The following SLC5A1 variants were observed in gnomAD, a reference collection of about 807,000 sequenced individuals.
The protein encoded by SLC5A1 is sodium/glucose cotransporter 1.
A neutral mutation model predicts 73.5 loss-of-function variants in SLC5A1; 42 were observed. The ratio of observed to expected loss-of-function variants is 0.57; its 90% CI spans 0.45 to 0.74. SLC5A1 has a LOEUF of 0.74. Among genes scored for constraint, SLC5A1 ranks in the 30% least tolerant of loss-of-function variants. SLC5A1 has a pLI of 0.00. For synonymous variants in SLC5A1, 300 were observed against 317.4 expected (o/e 0.95, Z 0.58); for missense variants, 634 against 855.4 (o/e 0.74, Z 3.23).
At chr22:32,102,370 T>G in intron 13 of SLC5A1, 133 bp downstream of exon 13, 1 of 714,088 alleles carries the variant, frequency 1.4e-6, no homozygotes, top group South Asian at 1.6e-5. Flanking sequence ...AATGTTTTGA[T>G]ACAGGCATAC....
chr22:32,075,402 G>A (rs1256970882), intron 5 of SLC5A1, among the ~76,000 whole-genome samples: 1 of 152,080 alleles, frequency 6.6e-6, no homozygotes, highest in Non-Finnish European at 1.5e-5. Flanking sequence ...ATGAGGGGAT[G>A]GGATAGATCA....
At chr22:32,050,248 G>A (rs1380479997) in intron 2 of SLC5A1, among the ~76,000 whole-genome samples, 1 of 152,106 alleles carries the variant, frequency 6.6e-6, no homozygotes, top group Non-Finnish European at 1.5e-5. Flanking sequence ...TACAAAGTTG[G>A]TTCAAAGCCT....
At chr22:32,063,781 G>A (rs1017357795) in intron 2 of SLC5A1, among the ~76,000 whole-genome samples, 2 of 152,150 alleles carry the variant, frequency 1.3e-5, no homozygotes, top group African/African-American at 4.8e-5. Flanking sequence ...AAAGAGCTAG[G>A]TGGCCATAAT....
At chr22:32,104,656 G>C in intron 13 of SLC5A1, 130 bp from the exon 14 acceptor site, 1 of 719,946 alleles carries the variant, frequency 1.4e-6, no homozygotes. Context: ...GAATCGTTGT[G>C]TATGTTCTTC....
intron 11 of SLC5A1, among the ~76,000 whole-genome samples, chr22:32,096,239 A>G (rs1379297466): frequency 1.3e-5 from 2 of 152,194 alleles, no homozygotes; most frequent in Non-Finnish European, 2.9e-5. Flanking sequence ...ATTGGAGATC[A>G]TTGAACAATG....
rs1325314033 is a variant in SLC5A1 at position 32,104,807 on chromosome 22, C to T, written c.1687C>T (p.Leu563=). 1 of 1,614,046 alleles carries T rather than the reference C, an allele frequency of 6.2e-7. No homozygotes were observed. The highest frequency in any genetic ancestry group is 2.2e-5 in the East Asian group (1 of 44,878). ...DVHLYRLCWS[L]RNSKEERIDL... ...GCAGCTCTACCGTCTGTGTTGGAGCCTGCGCAACAGCAAAGAGGAGCGTAT... is the reference window on the plus strand; with the variant it reads ...GCAGCTCTACCGTCTGTGTTGGAGCTTGCGCAACAGCAAAGAGGAGCGTAT... The change falls in exon 14 of 15, where the codon CTG becomes TTG. Residue 563 remains leucine, a synonymous_variant. Transcript: ENST00000266088.
At position 32,086,071 on chromosome 22, in the gene SLC5A1, G is replaced by A. The variant is rs1412395046; in HGVS notation, c.1022-149G>A. ...CAGGAGAATGGCGTGAACCCGGGAG[G>A]CAGAGCTTGCAGTGAGCCGAGATCG... On this transcript the variant is annotated intron_variant, in intron 9 of 14. Coordinates refer to ENST00000266088, the MANE Select transcript of SLC5A1 (RefSeq NM_000343.4). 1.4e-5 allele frequency: 9 copies of A among 637,542 alleles called. No individual in the cohort carries two copies. In the African/African-American group the frequency reaches 1.6e-4, roughly 12 times the overall value. The allele number at this position is 637,542 out of a possible 1,614,324, so 39.5% of individuals were successfully genotyped here. A position where few individuals can be genotyped will look rare whatever the true frequency, so the allele number is the denominator to read the frequency against.
chr22:32,111,489 GA>G lies in SLC5A1; in HGVS notation c.*1277del, dbSNP rs1376324134. The G allele has an allele frequency of 6.6e-6, 1 of 152,182 alleles. No homozygotes were observed. The highest frequency in any genetic ancestry group is 1.5e-5 in the Non-Finnish European group (1 of 68,032). 9.4% of individuals were successfully genotyped at this position (152,182 alleles called of 1,614,324 possible). On this transcript the variant is annotated 3_prime_UTR_variant, in exon 15 of 15. Transcript: ENST00000266088. ...GAAGTCAGCAAGTGAGTCTTGAAGA[GA>G]TACTAAACAAACCCACAACACAGAT...
At chr22:32,102,273 T>G (rs1329668915) in intron 13 of SLC5A1, 36 bp downstream of exon 13, 1 of 1,452,584 alleles carries the variant, frequency 6.9e-7, no homozygotes, top group Admixed American at 1.7e-5. Context: ...CCTTGTTTCA[T>G]GTTCACACTG....
intron 2 of SLC5A1, among the ~76,000 whole-genome samples, chr22:32,061,531 G>A (rs886110653): frequency 6.6e-6 from 1 of 152,122 alleles, no homozygotes; most frequent in African/African-American, 2.4e-5. Context: ...AACCCTGGAG[G>A]GACTAAAGTA....
intron 2 of SLC5A1, among the ~76,000 whole-genome samples, chr22:32,065,655 A>G (rs2093971590): frequency 6.6e-6 from 1 of 152,222 alleles, no homozygotes; most frequent in African/African-American, 2.4e-5. Flanking sequence ...CACGTGTAGT[A>G]GATGCTAAGT....
At chr22:32,071,378 A>C (rs1779134949) in intron 5 of SLC5A1, among the ~76,000 whole-genome samples, 2 of 152,196 alleles carry the variant, frequency 1.3e-5, no homozygotes, top group South Asian at 4.1e-4. Flanking sequence ...ACTTGATCCC[A>C]GGAATTCAAG....
At chr22:32,058,555 G>A (rs2093955517) in intron 2 of SLC5A1, among the ~76,000 whole-genome samples, 1 of 152,122 alleles carries the variant, frequency 6.6e-6, no homozygotes, top group African/African-American at 2.4e-5. Context: ...TAAAAATAGG[G>A]TCATATAAGT....
At chr22:32,094,663 A>G (rs528758315) in intron 11 of SLC5A1, among the ~76,000 whole-genome samples, 4 of 151,960 alleles carry the variant, frequency 2.6e-5, no homozygotes, top group Admixed American at 6.6e-5. Context: ...TATCTTTTGT[A>G]TTTCTGTGGT....
chr22:32,060,694 C>T (rs535719360), intron 2 of SLC5A1, among the ~76,000 whole-genome samples: 3 of 152,236 alleles, frequency 2.0e-5, no homozygotes, highest in African/African-American at 7.2e-5. Flanking sequence ...CTCAGCCTTC[C>T]AAGTAGCTAG....
intron 5 of SLC5A1, among the ~76,000 whole-genome samples, chr22:32,079,558 C>T (rs1052190577): frequency 4.6e-5 from 7 of 152,168 alleles, no homozygotes; most frequent in East Asian, 1.9e-4. Flanking sequence ...TCACAGTCTA[C>T]GATGGCATGT....
At chr22:32,073,891 C>T (rs1409275964) in intron 5 of SLC5A1, among the ~76,000 whole-genome samples, 1 of 152,136 alleles carries the variant, frequency 6.6e-6, no homozygotes, top group Non-Finnish European at 1.5e-5. Flanking sequence ...AGATGAAAGG[C>T]CTGGGCTTTC....
chr22:32,057,099 A>G (rs928142594), intron 2 of SLC5A1, among the ~76,000 whole-genome samples: 2 of 152,212 alleles, frequency 1.3e-5, no homozygotes, highest in African/African-American at 4.8e-5. Context: ...GGCGGAACCA[A>G]GATTAGAACC....
At chr22:32,078,670 G>C (rs2093994670) in intron 5 of SLC5A1, among the ~76,000 whole-genome samples, 1 of 152,072 alleles carries the variant, frequency 6.6e-6, no homozygotes, top group South Asian at 2.1e-4. Flanking sequence ...AAAAGACCTT[G>C]CTGGCTGAGC....
Sources: allele counts gnomAD v4.1 joint callset (sites outside exome capture counted in the v4.1 genomes callset), GRCh38; gene constraint gnomAD v4.1.1; transcripts MANE v1.5; gene names NCBI Gene and HGNC (gene_info 2026-07-23, HGNC 2026-07-21).